Variants in SAMD5 observed in about 807,000 individuals in gnomAD.
SAMD5 encodes sterile alpha motif domain-containing protein 5.
SAMD5 carries 13 observed loss-of-function variants against 11.3 expected under a neutral mutation model. That is an observed-to-expected ratio of 1.15 (90% confidence interval 0.75 to 1.83). The LOEUF (loss-of-function observed/expected upper bound fraction) is 1.83, where lower values mean the gene tolerates loss of function less well. Among genes scored for constraint, SAMD5 ranks in the 40% most tolerant of loss-of-function variants. The probability of loss-of-function intolerance (pLI) is 0.00; values close to 1 mark genes in which losing one functional copy is unlikely to be tolerated. For missense variants in SAMD5, 255 were observed against 239.1 expected, an observed-to-expected ratio of 1.07 and a Z score of -0.44; for synonymous variants, 129 against 111.3, an observed-to-expected ratio of 1.16 and a Z score of -1.00.
chr6:147,813,742 G>T, the SAMD5 span, among the ~76,000 whole-genome samples: 1 of 152,194 alleles, frequency 6.6e-6, no homozygotes, highest in Non-Finnish European at 1.5e-5. Flanking sequence ...GCTCTAGCCT[G>T]TGGGGACAGC....
chr6:147,889,385 C>T, the SAMD5 span, among the ~76,000 whole-genome samples: 3 of 152,172 alleles, frequency 2.0e-5, no homozygotes, highest in Non-Finnish European at 4.4e-5. Flanking sequence ...CATCTAGCTT[C>T]CTGAACACAC....
At chr6:147,689,131 GT>G (rs2128456897) in intron 1 of SAMD5, among the ~76,000 whole-genome samples, 1 of 152,216 alleles carries the variant, frequency 6.6e-6, no homozygotes, top group African/African-American at 2.4e-5. Context: ...GTCCTAGAAA[GT>G]TTTAATAAGA....
chr6:147,531,288 C>T (rs1182855006), intron 1 of SAMD5, among the ~76,000 whole-genome samples: 1 of 151,992 alleles, frequency 6.6e-6, no homozygotes, highest in Non-Finnish European at 1.5e-5. Flanking sequence ...GTCCAGTCCA[C>T]ATGTGAAATT....
chr6:147,551,736 C>T (rs768067737), intron 1 of SAMD5, among the ~76,000 whole-genome samples: 115 of 149,206 alleles, frequency 7.7e-4, no homozygotes, highest in Admixed American at 2.7e-3. Flanking sequence ...ATTTTTTATT[C>T]GATCTCAAAC....
chr6:147,594,715 C>G (rs1394924516), intron 1 of SAMD5, among the ~76,000 whole-genome samples: 1 of 152,154 alleles, frequency 6.6e-6, no homozygotes, highest in Admixed American at 6.5e-5. Context: ...AAACATGCTT[C>G]ACTAACAGTC....
intron 1 of SAMD5, among the ~76,000 whole-genome samples, chr6:147,651,504 G>A (rs1003492270): frequency 6.6e-6 from 1 of 152,134 alleles, no homozygotes; most frequent in Non-Finnish European, 1.5e-5. Context: ...TAGGTCATGA[G>A]GGAAGTGCTC....
Position 147,649,978 on chromosome 6 carries a change from A to G in SAMD5, c.163-87339A>G, listed in dbSNP as rs538565456. On this transcript the variant is annotated intron_variant, in intron 1 of 1. Transcript: ENST00000566741. ...GTACCTTATATGTTGACTTACAGAG[A>G]GTGACAAAATAATTTATTGCCTACA... 5.9e-5 allele frequency among the ~76,000 whole-genome samples: 9 copies of G among 152,264 alleles called. No individual in the cohort carries two copies. In the South Asian group the frequency reaches 1.7e-3, roughly 28 times the overall value.
intron 1 of SAMD5, among the ~76,000 whole-genome samples, chr6:147,517,933 T>C (rs931726471): frequency 3.4e-4 from 52 of 152,008 alleles, no homozygotes; most frequent in African/African-American, 1.2e-3. Context: ...CTTATACTCA[T>C]TTTCCCTAGT....
the SAMD5 span, among the ~76,000 whole-genome samples, chr6:147,816,956 A>G: frequency 1.3e-5 from 2 of 151,750 alleles, no homozygotes; most frequent in Admixed American, 6.6e-5. Context: ...AAAAAAAAAC[A>G]GGCAAAGATA....
chr6:147,766,005 C>T, the SAMD5 span, among the ~76,000 whole-genome samples: 1 of 149,914 alleles, frequency 6.7e-6, no homozygotes, highest in Non-Finnish European at 1.5e-5. Context: ...CTAATATATA[C>T]AAATATTTGA....
the SAMD5 span, among the ~76,000 whole-genome samples, chr6:147,893,728 G>A: frequency 6.6e-6 from 1 of 152,048 alleles, no homozygotes; most frequent in Admixed American, 6.5e-5. Flanking sequence ...AGCATCCAAG[G>A]TAAAATTGCT....
intron 1 of SAMD5, chr6:147,733,702 A>G (rs1434456122): frequency 6.2e-6 from 3 of 481,258 alleles, no homozygotes; most frequent in Non-Finnish European, 8.1e-6. Flanking sequence ...TTATATCTGA[A>G]TCCCCGCTGT....
At chr6:147,540,662 A>G (rs1234370955) in intron 1 of SAMD5, among the ~76,000 whole-genome samples, 4 of 152,086 alleles carry the variant, frequency 2.6e-5, no homozygotes, top group African/African-American at 9.7e-5. Flanking sequence ...TCTTAGCACA[A>G]AGTACACCAG....
chr6:147,646,796 T>C (rs1355326505), intron 1 of SAMD5, among the ~76,000 whole-genome samples: 1 of 151,994 alleles, frequency 6.6e-6, no homozygotes, highest in Non-Finnish European at 1.5e-5. Flanking sequence ...TTATATGTAT[T>C]ACACACTGTG....
downstream of SAMD5, among the ~76,000 whole-genome samples, chr6:147,570,993 A>C (rs1199307308): frequency 6.6e-6 from 1 of 152,186 alleles, no homozygotes; most frequent in Non-Finnish European, 1.5e-5. Context: ...CCTTCAAAAA[A>C]GACTCATTTT....
At chr6:147,694,590 G>A (rs559529647) in intron 1 of SAMD5, among the ~76,000 whole-genome samples, 2 of 143,502 alleles carry the variant, frequency 1.4e-5, no homozygotes, top group Non-Finnish European at 3.2e-5. Context: ...GCCAAGGTGG[G>A]TGGATCGCTT....
chr6:147,663,716 C>T (rs377073961), intron 1 of SAMD5, among the ~76,000 whole-genome samples: 50 of 144,214 alleles, frequency 3.5e-4, no homozygotes, highest in African/African-American at 1.2e-3. Flanking sequence ...CACTTGAACC[C>T]GGGGGGCAGA....
chr6:147,790,731 G>A, the SAMD5 span, among the ~76,000 whole-genome samples: 16 of 93,056 alleles, frequency 1.7e-4, no homozygotes, highest in African/African-American at 8.0e-4. Flanking sequence ...TGAATTGGTC[G>A]ATCTCTCTCT....
chr6:147,827,841 G>C, the SAMD5 span, among the ~76,000 whole-genome samples: 2 of 151,924 alleles, frequency 1.3e-5, no homozygotes, highest in Non-Finnish European at 2.9e-5. Context: ...CCAGGCTGGA[G>C]TGCAGTGGCG....
Sources: gnomAD v4.1 joint callset for allele counts (sites outside exome capture counted in the v4.1 genomes callset) on GRCh38, gnomAD v4.1.1 for gene constraint, MANE v1.5 for transcripts, NCBI Gene and HGNC (gene_info 2026-07-23, HGNC 2026-07-21) for gene names.